The following GRM3 variants were observed in gnomAD, a reference collection of about 807,000 sequenced individuals.
The protein encoded by GRM3 is metabotropic glutamate receptor 3.
In GRM3, 26 loss-of-function variants were observed where a neutral mutation model predicts 70.5. That is an observed-to-expected ratio of 0.37 (90% CI 0.27 to 0.51). GRM3 has a LOEUF of 0.51. GRM3 is among the 20% of genes least tolerant of loss of function. The pLI is 0.93. For missense variants in GRM3, 859 were observed against 1,123.8 expected (o/e 0.76, Z 3.37); for synonymous variants, 443 against 434.9 (o/e 1.02, Z -0.23).
chr7:86,650,326 T>C (rs1793573696), intron 1 of GRM3, among the ~76,000 whole-genome samples: 1 of 152,072 alleles, frequency 6.6e-6, no homozygotes, highest in Non-Finnish European at 1.5e-5. Context: ...TTTTCTTTAC[T>C]ACCAATATTG....
intron 3 of GRM3, among the ~76,000 whole-genome samples, chr7:86,824,829 G>T (rs1359900934): frequency 6.6e-6 from 1 of 151,912 alleles, no homozygotes; most frequent in African/African-American, 2.4e-5. Flanking sequence ...TATATATACA[G>T]ATAGATAGAT....
At chr7:86,681,196 A>G (rs189274850) in intron 1 of GRM3, among the ~76,000 whole-genome samples, 2 of 152,288 alleles carry the variant, frequency 1.3e-5, no homozygotes, top group African/African-American at 4.8e-5. Context: ...GAAAAGAAAT[A>G]GGAAAAAATG....
chr7:86,701,757 C>CT (rs1794951009), intron 1 of GRM3, among the ~76,000 whole-genome samples: 2 of 151,820 alleles, frequency 1.3e-5, no homozygotes, highest in African/African-American at 2.4e-5. Flanking sequence ...CTAAGAGTGG[C>CT]TTTTTTGAGG....
intron 2 of GRM3, among the ~76,000 whole-genome samples, chr7:86,768,022 A>T (rs1796649736): frequency 6.6e-6 from 1 of 152,148 alleles, no homozygotes; most frequent in Non-Finnish European, 1.5e-5. Context: ...TAAGGTTCTT[A>T]TCTTCACAGC....
chr7:86,652,475 C>A (rs1038613708), intron 1 of GRM3, among the ~76,000 whole-genome samples: 2 of 152,036 alleles, frequency 1.3e-5, no homozygotes, highest in Non-Finnish European at 2.9e-5. Context: ...GGATTACAGC[C>A]GCCCGCCACC....
At position 86,765,244 on chromosome 7, in the gene GRM3, T is replaced by A. The variant is rs2116415081; in HGVS notation, c.99T>A (p.Ile33=). Residue 33 remains isoleucine (I), a synonymous_variant, in exon 2 of 6, where the codon ATT becomes ATA. Transcript: ENST00000361669. ...LGDHNFLRRE[I]KIEGDLVLGG... Reference sequence around the variant, plus strand: ...ACCATAACTTTCTAAGGAGAGAGATTAAAATAGAAGGTGACCTTGTTTTAG... The same window carrying A: ...ACCATAACTTTCTAAGGAGAGAGATAAAAATAGAAGGTGACCTTGTTTTAG... The A allele has an allele frequency of 6.2e-7, 1 of 1,613,802 alleles. No individual in the cohort carries two copies. The highest frequency in any genetic ancestry group is 8.5e-7 in the Non-Finnish European group (1 of 1,179,822).
At chr7:86,704,179 A>G (rs990156097) in intron 1 of GRM3, among the ~76,000 whole-genome samples, 1 of 151,974 alleles carries the variant, frequency 6.6e-6, no homozygotes, top group African/African-American at 2.4e-5. Flanking sequence ...AAAAAGTACT[A>G]GCGTTTTTCT....
chr7:86,823,565 G>A (rs1026478842), intron 3 of GRM3, among the ~76,000 whole-genome samples: 4 of 143,754 alleles, frequency 2.8e-5, no homozygotes, highest in Non-Finnish European at 6.0e-5. Context: ...GAAATTCAGC[G>A]GTTAGCTGTG....
intron 3 of GRM3, among the ~76,000 whole-genome samples, chr7:86,804,822 G>A (rs1244517637): frequency 2.0e-5 from 3 of 152,188 alleles, no homozygotes; most frequent in Non-Finnish European, 2.9e-5. Context: ...CATTTAAAGA[G>A]GATGGTAGGT....
At chr7:86,713,091 C>G (rs953599318) in intron 1 of GRM3, among the ~76,000 whole-genome samples, 17 of 152,002 alleles carry the variant, frequency 1.1e-4, no homozygotes, top group Non-Finnish European at 1.5e-5. Context: ...GCATTCCTAC[C>G]AGCAGTGTAC....
At chr7:86,800,096 G>GA (rs1797648183) in intron 3 of GRM3, among the ~76,000 whole-genome samples, 1 of 152,046 alleles carries the variant, frequency 6.6e-6, no homozygotes, top group Admixed American at 6.5e-5. Flanking sequence ...AAACCAATGA[G>GA]AAAAAAGAGA....
At chr7:86,699,643 A>C (rs1248290565) in intron 1 of GRM3, among the ~76,000 whole-genome samples, 1 of 152,046 alleles carries the variant, frequency 6.6e-6, no homozygotes, top group Non-Finnish European at 1.5e-5. Flanking sequence ...AATCACAAAA[A>C]GTTTTAGCAT....
intron 3 of GRM3, among the ~76,000 whole-genome samples, chr7:86,792,385 A>G (rs1797440222): frequency 6.6e-6 from 1 of 152,194 alleles, no homozygotes; most frequent in Non-Finnish European, 1.5e-5. Context: ...AAAAAGAAAG[A>G]GCTTCCATTT....
In GRM3 at chr7:86,773,803, G is replaced by T. The variant is rs138218269; in HGVS notation, c.468+8190G>T. ...AATTTCTCATCAGAAGTAATTATCT[G>T]ATATGCTACTATTTTTTTCCTTTGC... On this transcript the variant is annotated intron_variant, in intron 2 of 5. Transcript: ENST00000361669. Among the ~76,000 whole-genome samples, 519 of 152,158 alleles carry T rather than the reference G, an allele frequency of 3.4e-3. 5 individuals carry two copies. Among genetic ancestry groups the T allele is most frequent in the African/African-American group, 0.012 (495 of 41,534 alleles).
At chr7:86,851,731 T>C (rs1429544771) in intron 5 of GRM3, among the ~76,000 whole-genome samples, 1 of 152,086 alleles carries the variant, frequency 6.6e-6, no homozygotes, top group African/African-American at 2.4e-5. Flanking sequence ...GGCTGCACAT[T>C]CCTGTCTTTC....
chr7:86,850,122 T>G (rs969265125), intron 4 of GRM3, among the ~76,000 whole-genome samples: 14 of 152,306 alleles, frequency 9.2e-5, no homozygotes, highest in African/African-American at 3.1e-4. Context: ...AAAATCCATG[T>G]GAAGTCTTGG....
chr7:86,783,201 A>G (rs1469447704), intron 2 of GRM3, among the ~76,000 whole-genome samples: 1 of 152,220 alleles, frequency 6.6e-6, no homozygotes, highest in African/African-American at 2.4e-5. Context: ...GCTAACAGCA[A>G]CTAGGCAGTC....
intron 3 of GRM3, among the ~76,000 whole-genome samples, chr7:86,799,504 T>C (rs1797633687): frequency 1.3e-5 from 2 of 152,134 alleles, no homozygotes; most frequent in African/African-American, 4.8e-5. Flanking sequence ...GTGTCTCCTA[T>C]TATTTTGAGG....
At chr7:86,731,742 G>A (rs2116279098) in intron 1 of GRM3, among the ~76,000 whole-genome samples, 1 of 152,264 alleles carries the variant, frequency 6.6e-6, no homozygotes, top group South Asian at 2.1e-4. Context: ...CCTGTGTCAT[G>A]TTCCAGGAAT....
Sources: allele counts gnomAD v4.1 joint callset (sites outside exome capture counted in the v4.1 genomes callset), GRCh38; gene constraint gnomAD v4.1.1; transcripts MANE v1.5; gene names NCBI Gene and HGNC (gene_info 2026-07-23, HGNC 2026-07-21).